Variants in ITGA8 observed in about 807,000 individuals in gnomAD.
ITGA8 encodes the protein integrin alpha-8.
A neutral mutation model predicts 142.3 loss-of-function variants in ITGA8; 91 were observed. That is an observed-to-expected ratio of 0.64 (90% CI 0.54 to 0.76). The LOEUF (loss-of-function observed/expected upper bound fraction) is 0.76. Ranked by LOEUF, ITGA8 falls within the 30% of genes least tolerant of loss-of-function variation. The pLI, the probability that ITGA8 is intolerant of heterozygous loss-of-function variation, is 0.00. For synonymous variants in ITGA8, 505 were observed against 485.2 expected, an observed-to-expected ratio of 1.04 and a Z score of -0.54; for missense variants, 1,406 against 1,327.7, an observed-to-expected ratio of 1.06 and a Z score of -0.92.
intron 27 of ITGA8, among the ~76,000 whole-genome samples, chr10:15,546,856 G>T (rs1833682103): frequency 7.4e-6 from 1 of 135,838 alleles, no homozygotes; most frequent in African/African-American, 3.7e-5. Context: ...GGAAATGAGG[G>T]GAAGGGAAAT....
chr10:15,623,340 C>A (rs1158108023), intron 13 of ITGA8, among the ~76,000 whole-genome samples: 1 of 152,046 alleles, frequency 6.6e-6, no homozygotes, highest in Non-Finnish European at 1.5e-5. Context: ...ACACTGCCTT[C>A]TAGGTGCACA....
At chr10:15,601,581 G>A (rs1471503954) in intron 20 of ITGA8, among the ~76,000 whole-genome samples, 2 of 152,140 alleles carry the variant, frequency 1.3e-5, no homozygotes, top group Middle Eastern at 3.4e-3. Flanking sequence ...TATCTTACAT[G>A]TATCTTACTA....
At chr10:15,627,395 T>A (rs1297094266) in intron 13 of ITGA8, among the ~76,000 whole-genome samples, 1 of 152,220 alleles carries the variant, frequency 6.6e-6, no homozygotes, top group African/African-American at 2.4e-5. Context: ...GTCTGTGGTC[T>A]GGTTGGACCG....
chr10:15,546,247 A>G (rs1158188828), intron 27 of ITGA8, among the ~76,000 whole-genome samples: 1 of 152,142 alleles, frequency 6.6e-6, no homozygotes, highest in Non-Finnish European at 1.5e-5. Context: ...TTGCCTGCTC[A>G]GTTTCTGATT....
chr10:15,695,038 G>A (rs1187380669), intron 2 of ITGA8, among the ~76,000 whole-genome samples: 3 of 152,020 alleles, frequency 2.0e-5, no homozygotes, highest in South Asian at 2.1e-4. Context: ...AGCTCTGAAC[G>A]GGACCTTCCT....
At chr10:15,592,141 AG>A (rs1479755497) in intron 22 of ITGA8, 83 bp downstream of exon 22, 5 of 937,524 alleles carry the variant, frequency 5.3e-6, no homozygotes, top group African/African-American at 5.0e-5. Context: ...TTTAAGGCCA[AG>A]GGCCTTGACA....
chr10:15,647,510 C>T (rs1834006012), intron 11 of ITGA8, among the ~76,000 whole-genome samples: 2 of 132,180 alleles, frequency 1.5e-5, no homozygotes, highest in Admixed American at 8.7e-5. Context: ...GGCCGGACTG[C>T]GGACTGCAGT....
Position 15,677,596 on chromosome 10 carries a change from C to T in ITGA8, c.672G>A (p.Trp224Ter). The T allele has an allele frequency of 6.2e-7, 1 of 1,613,196 alleles. No individual in the cohort carries two copies. Among genetic ancestry groups the T allele is most frequent in the Non-Finnish European group, 8.5e-7 (1 of 1,179,538 alleles). Residue 224 changes from tryptophan to a stop codon, truncating the protein, a stop_gained, in exon 6 of 30, where the codon TGG becomes TGA. Coordinates refer to ENST00000378076, the MANE Select transcript of ITGA8 (RefSeq NM_003638.3). LOFTEE classifies it high-confidence loss of function. Reference sequence around the variant, plus strand: ...TTGTCTGCCAACAGAACATACCTTGCCAGTAGAAACTCCCAGGTCCTCCCA... The same window carrying T: ...TTGTCTGCCAACAGAACATACCTTGTCAGTAGAAACTCCCAGGTCCTCCCA... ...LIVGGPGSFY[W>*]QGQVITASVA...
At chr10:15,613,563 C>T in intron 15 of ITGA8, 97 bp downstream of exon 15, 1 of 871,674 alleles carries the variant, frequency 1.1e-6, no homozygotes, top group Admixed American at 2.0e-5. Context: ...AATCTAGGCC[C>T]TACCCCAGAC....
At chr10:15,558,346 G>T in intron 25 of ITGA8, 144 bp from the exon 26 acceptor site, 1 of 882,138 alleles carries the variant, frequency 1.1e-6, no homozygotes, top group Non-Finnish European at 1.7e-6. Flanking sequence ...CCAGCAGTGT[G>T]TTTAACAGTG....
intron 20 of ITGA8, among the ~76,000 whole-genome samples, chr10:15,598,485 C>T (rs919303950): frequency 2.0e-4 from 30 of 152,228 alleles, no homozygotes; most frequent in African/African-American, 2.9e-4. Context: ...ATGAAACATT[C>T]CCCAGACATC....
chr10:15,691,032 C>T (rs1056529845), intron 2 of ITGA8, among the ~76,000 whole-genome samples: 1 of 152,096 alleles, frequency 6.6e-6, no homozygotes, highest in African/African-American at 2.4e-5. Flanking sequence ...AGTCAAAGGG[C>T]CTGGACAGAT....
chr10:15,585,812 T>C (rs555547440), intron 23 of ITGA8, among the ~76,000 whole-genome samples: 1 of 152,214 alleles, frequency 6.6e-6, no homozygotes, highest in East Asian at 1.9e-4. Context: ...CCTTAAAGAA[T>C]AGGACCAAAG....
chr10:15,689,827 A>C (rs573930890), intron 2 of ITGA8, among the ~76,000 whole-genome samples: 1 of 152,278 alleles, frequency 6.6e-6, no homozygotes. Flanking sequence ...TCATCTGCCC[A>C]TCCCAGTTGC....
chr10:15,604,038 A>G (rs1833149461), intron 20 of ITGA8, among the ~76,000 whole-genome samples, 170 bp downstream of exon 20: 1 of 152,174 alleles, frequency 6.6e-6, no homozygotes, highest in Admixed American at 6.6e-5. Context: ...AATACTGTGT[A>G]AGCCCACCCC....
chr10:15,541,524 A>G (rs913993565), intron 27 of ITGA8, among the ~76,000 whole-genome samples: 26 of 152,322 alleles, frequency 1.7e-4, no homozygotes, highest in African/African-American at 6.3e-4. Context: ...ATTTGTTGTG[A>G]TCTCATTTGT....
rs1832954883 is a variant in ITGA8, at chr10:15,593,204, T to G, written c.2212-900A>C. The stretch of plus-strand genomic sequence containing the variant: ...CTTTTTCCTTTTAAAGGTTTCCAAA[T>G]TTTTAAAACTGCTTTTATTATTTTC... On this transcript the variant is annotated intron_variant, in intron 21 of 29. Transcript: ENST00000378076. 2.6e-5 allele frequency among the ~76,000 whole-genome samples: 4 copies of G among 152,324 alleles called. No individual in the cohort carries two copies. The South Asian group carries it at 8.3e-4, about 32-fold the overall frequency.
At chr10:15,565,447 C>G (rs776868744) in intron 25 of ITGA8, among the ~76,000 whole-genome samples, 1 of 151,860 alleles carries the variant, frequency 6.6e-6, no homozygotes, top group African/African-American at 2.4e-5. Flanking sequence ...TAACAGCCAT[C>G]AAATAATGCT....
chr10:15,637,250 C>T (rs1315199018), intron 13 of ITGA8, among the ~76,000 whole-genome samples: 1 of 152,162 alleles, frequency 6.6e-6, no homozygotes. Context: ...AGCTCATATT[C>T]TGTTCATGAT....
Sources: gnomAD v4.1 joint callset for allele counts (sites outside exome capture counted in the v4.1 genomes callset) on GRCh38, gnomAD v4.1.1 for gene constraint, MANE v1.5 for transcripts, NCBI Gene and HGNC (gene_info 2026-07-23, HGNC 2026-07-21) for gene names.